The following ITGA1 variants were observed in gnomAD, a reference collection of about 807,000 sequenced individuals.
ITGA1 encodes integrin alpha-1.
In ITGA1, 85 loss-of-function variants were observed where a neutral mutation model predicts 145.9. The observed-to-expected ratio is 0.58, with a 90% CI of 0.49 to 0.70. The LOEUF is 0.70. Among genes scored for constraint, ITGA1 ranks in the 30% least tolerant of loss-of-function variants. The pLI is 0.00. For missense variants in ITGA1, 1,351 were observed against 1,418.7 expected (o/e 0.95, Z 0.77); for synonymous variants, 520 against 495.3 (o/e 1.05, Z -0.66).
intron 8 of ITGA1, among the ~76,000 whole-genome samples, chr5:52,889,289 A>G (rs113799071): frequency 0.016 from 2,364 of 152,138 alleles, 80 homozygotes; most frequent in African/African-American, 0.055. Context: ...TTTAGTAGAG[A>G]TGGGGTTTCA....
At chr5:52,793,637 G>A (rs749338485) in intron 1 of ITGA1, among the ~76,000 whole-genome samples, 1 of 151,982 alleles carries the variant, frequency 6.6e-6, no homozygotes. Flanking sequence ...TAAAAATTGT[G>A]TCATAAGATT....
In ITGA1 at chr5:52,898,323, C is replaced by G. The variant is rs759828697; in HGVS notation, c.1249C>G (p.Arg417Gly). 5.6e-6 allele frequency: 9 copies of G among 1,611,194 alleles called. No individual in the cohort carries two copies. The highest frequency in any genetic ancestry group is 7.6e-6 in the Non-Finnish European group (9 of 1,178,152). Residue 417 changes from arginine to glycine, a missense_variant, in exon 11 of 29, where the codon CGA becomes GGA. Arg to Gly is a moderately radical substitution (Grantham distance 125). Transcript: ENST00000282588. ...MQKASQIIIP[R>G]NTTFNVESTK... ...GAAGGCTAGTCAAATCATAATCCCT[C>G]GAAACACAACCTTTAATGTTGAGTC...
chr5:52,947,401 C>T lies in ITGA1; in HGVS notation c.3435C>T (p.Ile1145=), dbSNP rs774535728. ...CGGGCAGAGTGCCATTATGGGTCAT[C>T]CTGCTGAGTGCTTTTGCCGGATTGT... is the stretch of plus-strand genomic sequence containing the variant. ...GLPGRVPLWV[I]LLSAFAGLLL... Residue 1145 remains isoleucine (I), a synonymous_variant, in exon 28 of 29, where the codon ATC becomes ATT. Transcript: ENST00000282588. 2 of 1,613,724 alleles carry T rather than the reference C, an allele frequency of 1.2e-6. No individual in the cohort carries two copies. Among genetic ancestry groups the T allele is most frequent in the Non-Finnish European group, 1.7e-6 (2 of 1,179,676 alleles).
intron 2 of ITGA1, among the ~76,000 whole-genome samples, chr5:52,860,784 TA>T (rs890975129): frequency 2.0e-5 from 3 of 152,234 alleles, no homozygotes; most frequent in African/African-American, 7.2e-5. Flanking sequence ...TTGTTGGAAC[TA>T]AAATCAGTTG....
At chr5:52,813,996 C>T (rs557342566) in intron 1 of ITGA1, among the ~76,000 whole-genome samples, 1 of 152,316 alleles carries the variant, frequency 6.6e-6, no homozygotes, top group African/African-American at 2.4e-5. Context: ...AATCCCAGCT[C>T]AGCCACTTGC....
At chr5:52,889,706 C>T (rs1404086969) in intron 8 of ITGA1, 1 of 152,364 alleles carries the variant, frequency 6.6e-6, no homozygotes, top group Non-Finnish European at 1.5e-5. Flanking sequence ...CAGTGCAGAA[C>T]CATGGTCGGA....
At chr5:52,941,232 A>G (rs1054317897) in intron 26 of ITGA1, among the ~76,000 whole-genome samples, 10 of 152,318 alleles carry the variant, frequency 6.6e-5, no homozygotes, top group Middle Eastern at 6.8e-3. Flanking sequence ...TAGCACTGCA[A>G]TGAAGATATG....
chr5:52,940,359 CTGT>C (rs1751036490), intron 26 of ITGA1, among the ~76,000 whole-genome samples: 1 of 151,702 alleles, frequency 6.6e-6, no homozygotes, highest in Admixed American at 6.6e-5. Context: ...TTTTATCAGA[CTGT>C]TATTATATGT....
In ITGA1 at chr5:52,958,965, A is replaced by T. The variant is rs886250904; in HGVS notation, c.*6514A>T. 6.6e-6 allele frequency: 1 copy of T among 152,174 alleles called. No homozygotes were observed. The highest frequency in any genetic ancestry group is 1.5e-5 in the Non-Finnish European group (1 of 68,018). The allele number at this position is 152,174 out of a possible 1,614,324, so 9.4% of individuals were successfully genotyped here. A position where few individuals can be genotyped will look rare whatever the true frequency, so the allele number is the denominator to read the frequency against. On this transcript the variant is annotated 3_prime_UTR_variant, in exon 29 of 29. Coordinates refer to ENST00000282588, the MANE Select transcript of ITGA1 (RefSeq NM_181501.2). ...TTGTAATTTATTATATGCTTCATTT[A>T]AACCCATTTTGTAAAGAAATCAGGT... is the stretch of plus-strand genomic sequence containing the variant.
intron 9 of ITGA1, among the ~76,000 whole-genome samples, chr5:52,895,878 A>C (rs1246718670): frequency 6.6e-6 from 1 of 152,134 alleles, no homozygotes; most frequent in Non-Finnish European, 1.5e-5. Flanking sequence ...TTTTCATGAG[A>C]TATTTAAAAA....
chr5:52,834,585 G>GAAAGAAAGAA (rs1265195433), intron 1 of ITGA1, among the ~76,000 whole-genome samples: 87 of 141,530 alleles, frequency 6.1e-4, no homozygotes, highest in Admixed American at 2.1e-3. Context: ...AAGAAAGAAA[G>GAAAGAAAGAA]AGAGAGAGAG....
At chr5:52,906,060 T>C in intron 12 of ITGA1, 152 bp downstream of exon 12, 1 of 621,602 alleles carries the variant, frequency 1.6e-6, no homozygotes, top group Non-Finnish European at 2.7e-6. Context: ...GAAGGATGTA[T>C]AGTGTCTGTA....
intron 1 of ITGA1, among the ~76,000 whole-genome samples, chr5:52,790,327 C>G (rs561810091): frequency 1.3e-5 from 2 of 152,310 alleles, no homozygotes; most frequent in African/African-American, 4.8e-5. Context: ...ATCCAACACC[C>G]TCTCTCTATC....
intron 1 of ITGA1, among the ~76,000 whole-genome samples, chr5:52,835,371 C>T (rs1217400443): frequency 6.6e-6 from 1 of 152,020 alleles, no homozygotes; most frequent in Non-Finnish European, 1.5e-5. Context: ...ACAAGTTCTG[C>T]AAAAACAGAG....
At chr5:52,890,646 A>G (rs2111819526) in intron 8 of ITGA1, among the ~76,000 whole-genome samples, 1 of 152,328 alleles carries the variant, frequency 6.6e-6, no homozygotes, top group South Asian at 2.1e-4. Context: ...TGATATTTTG[A>G]TACAGGCATA....
At chr5:52,945,524 A>G (rs371336306) in intron 27 of ITGA1, among the ~76,000 whole-genome samples, 1 of 152,246 alleles carries the variant, frequency 6.6e-6, no homozygotes. Flanking sequence ...TCCTAATACA[A>G]ATTCAGACTT....
intron 9 of ITGA1, among the ~76,000 whole-genome samples, chr5:52,896,345 A>G (rs1750223445): frequency 6.6e-6 from 1 of 152,190 alleles, no homozygotes; most frequent in Admixed American, 6.5e-5. Flanking sequence ...AAGTGAGAAA[A>G]CACCTGAAAG....
chr5:52,878,014 A>G (rs1001104422), intron 6 of ITGA1, among the ~76,000 whole-genome samples: 3 of 152,216 alleles, frequency 2.0e-5, no homozygotes, highest in African/African-American at 7.2e-5. Context: ...AGGACAAAGG[A>G]AAGTGTAATT....
intron 26 of ITGA1, among the ~76,000 whole-genome samples, 194 bp downstream of exon 26, chr5:52,940,138 T>C (rs1378980433): frequency 1.3e-5 from 2 of 152,202 alleles, no homozygotes; most frequent in Admixed American, 6.5e-5. Flanking sequence ...AGAACTAAGA[T>C]ATTACCAAGG....
Sources: gnomAD v4.1 joint callset for allele counts (sites outside exome capture counted in the v4.1 genomes callset) on GRCh38, gnomAD v4.1.1 for gene constraint, MANE v1.5 for transcripts, NCBI Gene and HGNC (gene_info 2026-07-23, HGNC 2026-07-21) for gene names.